ANOS1: variants seen among roughly 807,000 people sequenced by gnomAD.
ANOS1 encodes the protein anosmin-1.
ANOS1 carries 6 observed loss-of-function variants against 59.0 expected under a neutral mutation model. The ratio of observed to expected loss-of-function variants is 0.10; its 90% CI spans 0.06 to 0.20. ANOS1 has a LOEUF of 0.20. ANOS1 is among the 10% of genes least tolerant of loss of function. ANOS1 has a pLI of 1.00. For missense variants in ANOS1, 433 were observed against 542.3 expected, an observed-to-expected ratio of 0.80 and a Z score of 2.00; for synonymous variants, 217 against 223.4, an observed-to-expected ratio of 0.97 and a Z score of 0.25.
At chrX:8,644,566 T>C (rs1931720980) in intron 2 of ANOS1, among the ~76,000 whole-genome samples, 1 of 112,079 alleles carries the variant, frequency 8.9e-6, no homozygotes, top group African/African-American at 3.2e-5. Flanking sequence ...GTGGGGAAAA[T>C]TTGCATTCTG....
In ANOS1 at chrX:8,597,167, A is replaced by T; in HGVS notation, c.408T>A (p.Ala136=). 3.3e-6 allele frequency: 4 copies of T among 1,210,062 alleles called. No individual in the cohort carries two copies. Among genetic ancestry groups the T allele is most frequent in the South Asian group, 1.8e-5 (1 of 56,778 alleles). Residue 136 remains alanine (A), a synonymous_variant, in exon 4 of 14, where the codon GCT becomes GCA. Transcript: ENST00000262648. ...CCGCAAATCCACTGGCTTTCTCAGG[A>T]GCCGGACAGTCCCCCTGCTTCACCA... is the stretch of plus-strand genomic sequence containing the variant. ...ILLVKQGDCP[A]PEKASGFAAA...
Position 8,671,749 on chromosome X carries a change from C to T in ANOS1, c.255+27949G>A, listed in dbSNP as rs375756443. On this transcript the variant is annotated intron_variant, in intron 2 of 13. Transcript: ENST00000262648. The stretch of plus-strand genomic sequence containing the variant: ...AAGACCATAAGTGAAAAAATTCCAA[C>T]GACAGGAATTAATTTGCTTTCTTTT... 1.5e-4 allele frequency among the ~76,000 whole-genome samples: 16 copies of T among 108,926 alleles called. 1 individual carries two copies. The highest frequency in any genetic ancestry group is 2.8e-4 in the East Asian group (1 of 3,514). 94.6% of individuals were successfully genotyped at this position (108,926 alleles called of 115,157 possible).
intron 2 of ANOS1, among the ~76,000 whole-genome samples, chrX:8,640,042 G>T (rs766090690): frequency 6.3e-5 from 7 of 110,745 alleles, no homozygotes; most frequent in Non-Finnish European, 1.9e-5. Context: ...AGGGCAGTAG[G>T]GGGAGGCCGT....
chrX:8,713,572 G>A (rs1932824325), intron 1 of ANOS1, among the ~76,000 whole-genome samples: 1 of 110,842 alleles, frequency 9.0e-6, no homozygotes, highest in Non-Finnish European at 1.9e-5. Flanking sequence ...GTGACTTCAC[G>A]AAATACACTC....
intron 10 of ANOS1, among the ~76,000 whole-genome samples, chrX:8,538,298 C>T (rs1929630121): frequency 8.9e-6 from 1 of 112,415 alleles, no homozygotes; most frequent in African/African-American, 3.2e-5. Flanking sequence ...GCATAGGAGA[C>T]AGACATCTGC....
chrX:8,687,575 A>T (rs1932542456), intron 2 of ANOS1, among the ~76,000 whole-genome samples: 1 of 103,606 alleles, frequency 9.7e-6, no homozygotes, highest in South Asian at 4.2e-4. Context: ...AGAAGAAAAC[A>T]GAAGGTGTAA....
At chrX:8,699,922 T>C (rs1050179885) in intron 1 of ANOS1, among the ~76,000 whole-genome samples, 177 bp from the exon 2 acceptor site, 1 of 112,309 alleles carries the variant, frequency 8.9e-6, no homozygotes, top group Non-Finnish European at 1.9e-5. Context: ...TTTGTAAGTT[T>C]CATTTTGTTG....
At chrX:8,725,569 TACATATATACAGATATATATATACAG>T (rs1932906234) in intron 1 of ANOS1, among the ~76,000 whole-genome samples, 1 of 47,047 alleles carries the variant, frequency 2.1e-5, no homozygotes, top group African/African-American at 7.6e-5. Flanking sequence ...TATACAGATA[TACATATATACAGATATATATATACAG>T]ATATATATAT....
intron 9 of ANOS1, among the ~76,000 whole-genome samples, chrX:8,552,206 C>T (rs1233565543): frequency 8.9e-6 from 1 of 112,296 alleles, no homozygotes; most frequent in Non-Finnish European, 1.9e-5. Context: ...TACCACATGA[C>T]AGAGAGAATG....
chrX:8,685,597 G>GAAGA (rs557905634), intron 2 of ANOS1, among the ~76,000 whole-genome samples: 5,282 of 56,961 alleles, frequency 0.093, 297 homozygotes, highest in Non-Finnish European at 0.11. Context: ...AGAAAGAAAG[G>GAAGA]AAGAAAGAAA....
intron 2 of ANOS1, among the ~76,000 whole-genome samples, chrX:8,676,867 T>C (rs1932344666): frequency 8.9e-6 from 1 of 111,878 alleles, no homozygotes; most frequent in South Asian, 3.7e-4. Flanking sequence ...GTGACAATCA[T>C]AACCTCAGAA....
At position 8,680,315 on chromosome X, in the gene ANOS1, G is replaced by A. The variant is rs1488805732; in HGVS notation, c.255+19383C>T. Among the ~76,000 whole-genome samples the A allele has an allele frequency of 6.4e-5, 7 of 108,533 alleles. No individual in the cohort carries two copies. In the South Asian group the frequency reaches 2.8e-3, roughly 44 times the overall value. The allele number at this position is 108,533 out of a possible 115,157, so 94.2% of individuals were successfully genotyped here. Reference sequence around the variant, plus strand: ...CTCTCAGTGGTAAATTTTATGTTTTGTGTGTGTGTGTATGGTGTGATTTTT... The same window carrying A: ...CTCTCAGTGGTAAATTTTATGTTTTATGTGTGTGTGTATGGTGTGATTTTT... On this transcript the variant is annotated intron_variant, in intron 2 of 13. Coordinates refer to ENST00000262648, the MANE Select transcript of ANOS1 (RefSeq NM_000216.4).
At chrX:8,636,307 T>C (rs1287483227) in intron 2 of ANOS1, among the ~76,000 whole-genome samples, 1 of 111,800 alleles carries the variant, frequency 8.9e-6, no homozygotes, top group Non-Finnish European at 1.9e-5. Flanking sequence ...GCTAATGACC[T>C]TACAAAATGC....
At chrX:8,690,476 T>A (rs1305932276) in intron 2 of ANOS1, among the ~76,000 whole-genome samples, 2 of 112,142 alleles carry the variant, frequency 1.8e-5, no homozygotes, top group Non-Finnish European at 3.8e-5. Flanking sequence ...ATATTAGAAT[T>A]GCAATCAGAT....
chrX:8,590,558 C>A (rs772579808), intron 4 of ANOS1, among the ~76,000 whole-genome samples: 4 of 111,820 alleles, frequency 3.6e-5, no homozygotes, highest in Admixed American at 1.9e-4. Flanking sequence ...CCTCTTGCTG[C>A]AGCAAATTCA....
intron 6 of ANOS1, 87 bp from the exon 7 acceptor site, chrX:8,570,791 G>A: frequency 1.1e-6 from 1 of 895,353 alleles, no homozygotes; most frequent in Non-Finnish European, 1.6e-6. Context: ...AACACGTGAA[G>A]CATTGCTTTT....
intron 4 of ANOS1, among the ~76,000 whole-genome samples, chrX:8,594,695 T>TAC (rs1930693680): frequency 3.4e-5 from 2 of 59,255 alleles, no homozygotes; most frequent in African/African-American, 1.5e-4. Flanking sequence ...TATATATATA[T>TAC]ATACACATAT....
At chrX:8,589,904 C>G (rs1434626831) in intron 4 of ANOS1, among the ~76,000 whole-genome samples, 2 of 112,017 alleles carry the variant, frequency 1.8e-5, no homozygotes, top group Non-Finnish European at 3.8e-5. Flanking sequence ...GATCTTAGAA[C>G]CTTTTTGATA....
chrX:8,597,450 A>G (rs781466509), intron 3 of ANOS1, among the ~76,000 whole-genome samples, 194 bp from the exon 4 acceptor site: 1 of 110,962 alleles, frequency 9.0e-6, no homozygotes, highest in East Asian at 2.8e-4. Context: ...AACATAATCC[A>G]TAAGTGATGA....
Sources: allele counts gnomAD v4.1 joint callset (sites outside exome capture counted in the v4.1 genomes callset), GRCh38; gene constraint gnomAD v4.1.1; transcripts MANE v1.5; gene names NCBI Gene and HGNC (gene_info 2026-07-23, HGNC 2026-07-21).